Variants in MAD2L2 observed in about 807,000 individuals in gnomAD.
MAD2L2 encodes mitotic arrest deficient 2 like 2, also known as mitotic spindle assembly checkpoint protein MAD2B.
Under a neutral mutation model 30.5 loss-of-function variants are expected in MAD2L2, and 17 were observed. The ratio of observed to expected loss-of-function variants is 0.56; its 90% CI spans 0.38 to 0.84. The LOEUF (loss-of-function observed/expected upper bound fraction) is 0.84. MAD2L2 is among the 40% of genes least tolerant of loss of function. The pLI is 0.00. For missense variants in MAD2L2, 213 were observed against 277.4 expected, an observed-to-expected ratio of 0.77 and a Z score of 1.65; for synonymous variants, 101 against 113.9, an observed-to-expected ratio of 0.89 and a Z score of 0.72.
chr1:11,676,134 G>T lies in MAD2L2; in HGVS notation c.339C>A (p.Asp113Glu). 2 of 1,597,602 alleles carry T rather than the reference G, an allele frequency of 1.3e-6. No individual in the cohort carries two copies. The highest frequency in any genetic ancestry group is 1.7e-6 in the Non-Finnish European group (2 of 1,169,736). ...TQPPLLSISS[D>E]SLLSHVEQLL... is the part of the protein sequence containing the mutation. ...GCTGCTCCACATGAGACAACAGCGA[G>T]TCTGAGCTGGGAGTGAGAGGAGGTC... The change falls in exon 6 of 9, where the codon GAC (aspartate) becomes GAA (glutamate). Residue 113 changes from aspartate (D) to glutamate (E), a missense_variant. Asp to Glu is a conservative substitution (Grantham distance 45). Coordinates refer to ENST00000376692, the MANE Select transcript of MAD2L2 (RefSeq NM_006341.4).
intron 1 of MAD2L2, among the ~76,000 whole-genome samples, chr1:11,689,888 A>G (rs774810727): frequency 2.0e-5 from 3 of 151,306 alleles, no homozygotes; most frequent in Middle Eastern, 3.4e-3. Flanking sequence ...ATGTCACCTC[A>G]CTCTGTTCCA....
At chr1:11,684,031 A>G (rs1407126277), upstream of MAD2L2, among the ~76,000 whole-genome samples, 40 of 152,180 alleles carry the variant, frequency 2.6e-4, 1 homozygote, top group Admixed American at 2.6e-3. Context: ...CACAAACAGA[A>G]GGAAGGTGGG....
In MAD2L2 at chr1:11,690,550, C is replaced by T. The variant is rs1409070958; in HGVS notation, c.-692+863G>A. ...GACGGCATCAGAAGAGGAACACAGA[C>T]ATTTAGCCTGACGGCAGAACTGTGT... On this transcript the variant is annotated intron_variant, in intron 1 of 10. Transcript: ENST00000235310. The surrounding 1 kb of genome is among the most constrained non-coding windows in gnomAD (Gnocchi z 4.2). Among the ~76,000 whole-genome samples the T allele has an allele frequency of 1.3e-5, 2 of 152,214 alleles. No homozygotes were observed. The highest frequency in any genetic ancestry group is 4.8e-5 in the African/African-American group (2 of 41,468).
intron 1 of MAD2L2, among the ~76,000 whole-genome samples, chr1:11,689,367 AC>A (rs1456062628): frequency 6.6e-6 from 1 of 150,774 alleles, no homozygotes; most frequent in Non-Finnish European, 1.5e-5. Context: ...GGAGGCTGAG[AC>A]AGGTGGATCA....
At chr1:11,677,000 AC>A in intron 4 of MAD2L2, 52 bp from the exon 5 acceptor site, 1 of 1,298,870 alleles carries the variant, frequency 7.7e-7, no homozygotes, top group Non-Finnish European at 1.1e-6. Context: ...CCCCGACTAC[AC>A]CACCCTGCCT....
upstream of MAD2L2, among the ~76,000 whole-genome samples, chr1:11,682,887 T>C (rs1421823356): frequency 2.6e-5 from 4 of 152,098 alleles, no homozygotes; most frequent in African/African-American, 7.2e-5. Context: ...ATTCTCAAGA[T>C]ATGGGGATCC....
chr1:11,676,952 CAA>C lies in MAD2L2; in HGVS notation c.232-6_232-5del, dbSNP rs747390936. On this transcript the variant is annotated splice_region_variant and splice_polypyrimidine_tract_variant and intron_variant, in intron 4 of 8. Transcript: ENST00000376692. Reference sequence around the variant, plus strand: ...CCACCACTTTCTCCACATCATTCTGCAAAGAGAGGAACCCCCACTGCAGAGCC... The same window carrying C: ...CCACCACTTTCTCCACATCATTCTGCAGAGAGGAACCCCCACTGCAGAGCC... 8.7e-6 allele frequency: 14 copies of C among 1,610,710 alleles called. No individual in the cohort carries two copies. The Admixed American group carries it at 1.0e-4, about 12-fold the overall frequency.
At chr1:11,677,705 C>G in intron 3 of MAD2L2, 91 bp from the exon 4 acceptor site, 1 of 1,035,312 alleles carries the variant, frequency 9.7e-7, no homozygotes, top group Non-Finnish European at 1.4e-6. Flanking sequence ...CATCTGCCTT[C>G]GGTCCGAGGC....
At chr1:11,686,496 T>G (rs1281409532) in intron 1 of MAD2L2, among the ~76,000 whole-genome samples, 1 of 152,198 alleles carries the variant, frequency 6.6e-6, no homozygotes, top group African/African-American at 2.4e-5. Flanking sequence ...CTTGAACATT[T>G]GGCCTCCAGA....
rs1174089344 is a variant in MAD2L2, at chr1:11,687,301, G to T, written c.-692+4112C>A. 6.6e-6 allele frequency among the ~76,000 whole-genome samples: 1 copy of T among 152,134 alleles called. No homozygotes were observed. The highest frequency in any genetic ancestry group is 2.1e-4 in the South Asian group (1 of 4,822). On this transcript the variant is annotated intron_variant, in intron 1 of 10. Transcript: ENST00000235310. This position sits in a 1 kb window ranked among gnomAD's most constrained non-coding sequence, Gnocchi z 4.1. ...GCCACCCAGGCTGGAGGGCGGTGGTGCAATCTCGGCTCAATGAAATCTCTG... is the reference window on the plus strand; with the variant it reads ...GCCACCCAGGCTGGAGGGCGGTGGTTCAATCTCGGCTCAATGAAATCTCTG...
rs531548339 is a variant in MAD2L2 at position 11,680,341 on chromosome 1, G to A, written c.159+12C>T. 5.4e-5 allele frequency: 87 copies of A among 1,606,830 alleles called. 1 individual carries two copies. The Middle Eastern group carries it at 1.3e-3, about 24-fold the overall frequency. On this transcript the variant is annotated intron_variant, in intron 3 of 8. Coordinates refer to ENST00000376692, the MANE Select transcript of MAD2L2 (RefSeq NM_006341.4). ...CCCTGTACCCACTCTGTGGTTCTGGGACGTGCCTCACCTGGACCGGCACGT... is the reference window on the plus strand; with the variant it reads ...CCCTGTACCCACTCTGTGGTTCTGGAACGTGCCTCACCTGGACCGGCACGT...
In MAD2L2 at chr1:11,675,131, T is replaced by C. The variant is rs1640736405; in HGVS notation, c.545A>G (p.His182Arg). Reference sequence around the variant, plus strand: ...TTTTAGTGGTATCAGCCGGGGGTCATGCATGTGGACATCCTGCTCATCCGC... The same window carrying C: ...TTTTAGTGGTATCAGCCGGGGGTCACGCATGTGGACATCCTGCTCATCCGC... ...ILADEQDVHM[H>R]DPRLIPLKTM... is the part of the protein sequence containing the mutation. Residue 182 changes from histidine to arginine, a missense_variant, in exon 8 of 9, where the codon CAT becomes CGT. Physicochemically the swap from His to Arg is conservative, Grantham distance 29. Coordinates refer to ENST00000376692, the MANE Select transcript of MAD2L2 (RefSeq NM_006341.4). 1 of 1,605,630 alleles carries C rather than the reference T, an allele frequency of 6.2e-7. No homozygotes were observed. Among genetic ancestry groups the C allele is most frequent in the Non-Finnish European group, 8.5e-7 (1 of 1,175,572 alleles).
chr1:11,680,420 A>G lies in MAD2L2; in HGVS notation c.92T>C (p.Leu31Pro). 6.2e-7 allele frequency: 1 copy of G among 1,613,994 alleles called. No individual in the cohort carries two copies. The highest frequency in any genetic ancestry group is 8.5e-7 in the Non-Finnish European group (1 of 1,179,948). The change falls in exon 3 of 9, where the codon CTC becomes CCC. Residue 31 changes from leucine (L) to proline (P), a missense_variant. Coordinates refer to ENST00000376692, the MANE Select transcript of MAD2L2 (RefSeq NM_006341.4). The stretch of plus-strand genomic sequence containing the variant: ...CACGGGGTAGACCTCGCGCACGTAG[A>G]GGATGAGATGCACAGCCACCTCCAG... ...EFLEVAVHLI[L>P]YVREVYPVGI...
At chr1:11,686,555 C>T (rs747947851) in intron 1 of MAD2L2, among the ~76,000 whole-genome samples, 1 of 152,136 alleles carries the variant, frequency 6.6e-6, no homozygotes, top group East Asian at 1.9e-4. Flanking sequence ...CATAAGCCAC[C>T]GCGCCTAGCT....
At chr1:11,676,530 C>T (rs552636074) in intron 5 of MAD2L2, among the ~76,000 whole-genome samples, 3 of 152,292 alleles carry the variant, frequency 2.0e-5, no homozygotes, top group Admixed American at 2.0e-4. Context: ...CTGACCTCAC[C>T]ATTGGAAGCA....
Position 11,675,673 on chromosome 1 carries a change from C to G in MAD2L2, c.486G>C (p.Lys162Asn). 1 of 1,614,122 alleles carries G rather than the reference C, an allele frequency of 6.2e-7. No individual in the cohort carries two copies. The highest frequency in any genetic ancestry group is 1.3e-5 in the African/African-American group (1 of 75,056). ...CTCATCTCACCTTGATGACCTGGAT[C>G]TTCTCCATGTTGCGAGTGGCGGCTT... is the stretch of plus-strand genomic sequence containing the variant. ...TREAATRNME[K>N]IQVIKDFPWI... The change falls in exon 7 of 9, where the codon AAG becomes AAC. Residue 162 changes from lysine (K) to asparagine (N), a missense_variant. Lys to Asn is a moderately conservative substitution (Grantham distance 94). Transcript: ENST00000376692.
upstream of MAD2L2, among the ~76,000 whole-genome samples, chr1:11,683,827 C>T (rs927030079): frequency 2.6e-5 from 4 of 152,192 alleles, no homozygotes; most frequent in East Asian, 5.8e-4. Flanking sequence ...CAAAATTAGC[C>T]AGGTGTGGTG....
upstream of MAD2L2, among the ~76,000 whole-genome samples, chr1:11,683,278 AC>A (rs1381530399): frequency 6.6e-6 from 1 of 152,172 alleles, no homozygotes; most frequent in African/African-American, 2.4e-5. Context: ...AGAACTCCTG[AC>A]ACACAGAGCT....
chr1:11,677,239 G>A (rs943468497), intron 4 of MAD2L2: 16 of 597,878 alleles, frequency 2.7e-5, no homozygotes, highest in South Asian at 8.6e-5. Context: ...CAGACAGAAC[G>A]TTTAGCGTGG....
Sources: gnomAD v4.1 joint callset for allele counts (sites outside exome capture counted in the v4.1 genomes callset) on GRCh38, gnomAD v4.1.1 for gene constraint, Gnocchi (gnomAD v3.1) non-coding constraint, MANE v1.5 for transcripts, NCBI Gene and HGNC (gene_info 2026-07-23, HGNC 2026-07-21) for gene names.